RNF185: variants seen among roughly 807,000 people sequenced by gnomAD.
RNF185 encodes the protein E3 ubiquitin-protein ligase RNF185.
A neutral mutation model predicts 24.9 loss-of-function variants in RNF185; 13 were observed. The ratio of observed to expected loss-of-function variants is 0.52; its 90% CI spans 0.34 to 0.83. The LOEUF is 0.83. Ranked by LOEUF, RNF185 falls within the 40% of genes least tolerant of loss-of-function variation. The probability of loss-of-function intolerance (pLI) is 0.01; values close to 1 mark genes in which losing one functional copy is unlikely to be tolerated. For synonymous variants in RNF185, 79 were observed against 90.3 expected, an observed-to-expected ratio of 0.88 and a Z score of 0.71; for missense variants, 184 against 244.7, an observed-to-expected ratio of 0.75 and a Z score of 1.65.
Position 31,204,766 on chromosome 22 carries a change from T to G in RNF185, c.*180T>G. The G allele has an allele frequency of 1.7e-6, 1 of 587,596 alleles. No homozygotes were observed. The highest frequency in any genetic ancestry group is 3.1e-6 in the Non-Finnish European group (1 of 324,424). 36.4% of individuals were successfully genotyped at this position (587,596 alleles called of 1,614,324 possible). ...CTCGAGACCAGTTGGCGATGACCCCTGAATATCGCCACCGCTGTAAACACT... is the reference window on the plus strand; with the variant it reads ...CTCGAGACCAGTTGGCGATGACCCCGGAATATCGCCACCGCTGTAAACACT... On this transcript the variant is annotated 3_prime_UTR_variant, in exon 7 of 7. Transcript: ENST00000326132.
chr22:31,175,928 A>G (rs975364416), intron 1 of RNF185, among the ~76,000 whole-genome samples: 9 of 152,132 alleles, frequency 5.9e-5, no homozygotes, highest in Admixed American at 4.6e-4. Context: ...GACCTTTCAC[A>G]TCTTTTATTT....
intron 4 of RNF185, among the ~76,000 whole-genome samples, chr22:31,196,332 T>C (rs1665355299): frequency 6.6e-6 from 1 of 152,198 alleles, no homozygotes; most frequent in African/African-American, 2.4e-5. Flanking sequence ...TATGACTGGC[T>C]TTATCCCCCT....
At chr22:31,164,227 C>G (rs1380430468) in intron 1 of RNF185, among the ~76,000 whole-genome samples, 2 of 151,968 alleles carry the variant, frequency 1.3e-5, no homozygotes, top group South Asian at 4.2e-4. Context: ...GTGATCCACC[C>G]GCCTTGGCAT....
intron 4 of RNF185, among the ~76,000 whole-genome samples, chr22:31,196,460 G>T (rs745861936): frequency 6.6e-6 from 1 of 152,180 alleles, no homozygotes; most frequent in Non-Finnish European, 1.5e-5. Context: ...ATTTGAGGGG[G>T]TGAGACTCAA....
At chr22:31,162,312 G>A (rs907341141) in intron 1 of RNF185, among the ~76,000 whole-genome samples, 1 of 152,116 alleles carries the variant, frequency 6.6e-6, no homozygotes, top group Non-Finnish European at 1.5e-5. Flanking sequence ...CAGGTACTGG[G>A]TAAAATGATC....
At chr22:31,163,995 T>G (rs1353693719) in intron 1 of RNF185, among the ~76,000 whole-genome samples, 2 of 147,822 alleles carry the variant, frequency 1.4e-5, no homozygotes, top group Non-Finnish European at 3.0e-5. Flanking sequence ...TTATTATTAT[T>G]TTTTAGATGG....
chr22:31,202,549 G>A (rs1045217971), intron 6 of RNF185, among the ~76,000 whole-genome samples: 4 of 150,318 alleles, frequency 2.7e-5, no homozygotes, highest in African/African-American at 9.8e-5. Flanking sequence ...GTCTGTCTTC[G>A]TGAATCCATC....
chr22:31,184,086 C>T (rs532009950), intron 1 of RNF185, among the ~76,000 whole-genome samples: 8 of 151,566 alleles, frequency 5.3e-5, no homozygotes, highest in South Asian at 4.2e-4. Flanking sequence ...GACGGGGCGG[C>T]TGGCCGGGCG....
intron 1 of RNF185, among the ~76,000 whole-genome samples, chr22:31,182,108 C>CCTTT (rs1457779594): frequency 3.5e-5 from 5 of 143,520 alleles, no homozygotes; most frequent in Non-Finnish European, 7.6e-5. Flanking sequence ...AACAGTAATT[C>CCTTT]CTTTTTTTTT....
At chr22:31,176,400 A>G (rs1205164365) in intron 1 of RNF185, among the ~76,000 whole-genome samples, 3 of 151,608 alleles carry the variant, frequency 2.0e-5, no homozygotes, top group African/African-American at 4.9e-5. Context: ...TCAGCCTCCC[A>G]AAGTGCTAGG....
chr22:31,162,914 A>G (rs550912866), intron 1 of RNF185, among the ~76,000 whole-genome samples: 1 of 150,664 alleles, frequency 6.6e-6, no homozygotes, highest in Non-Finnish European at 1.5e-5. Flanking sequence ...ACAGGCGCCC[A>G]CCCCGATGAC....
intron 5 of RNF185, among the ~76,000 whole-genome samples, chr22:31,199,413 A>G (rs541002032): frequency 6.6e-6 from 1 of 152,324 alleles, no homozygotes; most frequent in South Asian, 2.1e-4. Context: ...TTGGTTTCCT[A>G]CAGAGCATTA....
intron 3 of RNF185, among the ~76,000 whole-genome samples, chr22:31,194,953 A>AT (rs1298951263): frequency 4.6e-5 from 7 of 150,668 alleles, no homozygotes; most frequent in Non-Finnish European, 1.0e-4. Context: ...AATTGTGATG[A>AT]TTTTTTTTCT....
At chr22:31,182,591 T>A (rs1041377084) in intron 1 of RNF185, among the ~76,000 whole-genome samples, 1 of 152,182 alleles carries the variant, frequency 6.6e-6, no homozygotes, top group African/African-American at 2.4e-5. Flanking sequence ...TGAGCCACCA[T>A]GCCCAGCCAA....
intron 1 of RNF185, among the ~76,000 whole-genome samples, chr22:31,174,543 C>A (rs1568961808): frequency 6.6e-6 from 1 of 152,008 alleles, no homozygotes; most frequent in Non-Finnish European, 1.5e-5. Flanking sequence ...CCATACCTGG[C>A]TAATTTTAAA....
chr22:31,187,803 T>C (rs2048114370), intron 2 of RNF185, among the ~76,000 whole-genome samples: 1 of 152,200 alleles, frequency 6.6e-6, no homozygotes, highest in Non-Finnish European at 1.5e-5. Context: ...TATATATAGA[T>C]AGATACACTC....
At chr22:31,199,870 C>G (rs1174846364) in intron 5 of RNF185, among the ~76,000 whole-genome samples, 1 of 152,176 alleles carries the variant, frequency 6.6e-6, no homozygotes, top group Non-Finnish European at 1.5e-5. Flanking sequence ...CCAGGCTGAT[C>G]AGTGTGTGAT....
chr22:31,182,073 TATC>T (rs776737953), intron 1 of RNF185, among the ~76,000 whole-genome samples: 3 of 149,398 alleles, frequency 2.0e-5, no homozygotes, highest in African/African-American at 4.9e-5. Context: ...AAAAACACAA[TATC>T]ATTATTATAC....
At chr22:31,169,417 A>G (rs1395627226) in intron 1 of RNF185, among the ~76,000 whole-genome samples, 1 of 152,118 alleles carries the variant, frequency 6.6e-6, no homozygotes, top group Non-Finnish European at 1.5e-5. Context: ...TGTTACCTGT[A>G]CTTTTGGTGT....
Sources: allele counts gnomAD v4.1 joint callset (sites outside exome capture counted in the v4.1 genomes callset), GRCh38; gene constraint gnomAD v4.1.1; transcripts MANE v1.5; gene names NCBI Gene and HGNC (gene_info 2026-07-23, HGNC 2026-07-21).